ZNF407: variants seen among roughly 807,000 people sequenced by gnomAD.
ZNF407 encodes the protein zinc finger protein 407.
Under a neutral mutation model 131.2 loss-of-function variants are expected in ZNF407, and 17 were observed. The ratio of observed to expected loss-of-function variants is 0.13; its 90% confidence interval spans 0.09 to 0.19. ZNF407 has a LOEUF of 0.19. Among genes scored for constraint, ZNF407 ranks in the 10% least tolerant of loss-of-function variants. The pLI, the probability that ZNF407 is intolerant of heterozygous loss-of-function variation, is 1.00. For synonymous variants in ZNF407, 1,156 were observed against 1,062.0 expected (o/e 1.09, Z -1.72); for missense variants, 2,681 against 2,830.6 (o/e 0.95, Z 1.20).
At chr18:74,623,602 T>C (rs1983659577) in intron 1 of ZNF407, among the ~76,000 whole-genome samples, 1 of 152,270 alleles carries the variant, frequency 6.6e-6, no homozygotes, top group Non-Finnish European at 1.5e-5. Context: ...CCTTCTTTGA[T>C]ATGCAGAAAG....
chr18:74,840,786 A>G (rs1970621346), intron 4 of ZNF407, among the ~76,000 whole-genome samples: 1 of 152,144 alleles, frequency 6.6e-6, no homozygotes, highest in Non-Finnish European at 1.5e-5. Flanking sequence ...CATCCTATCT[A>G]TCATGTTCAA....
Position 74,635,614 on chromosome 18 carries a change from A to G in ZNF407, c.4595A>G (p.Glu1532Gly). 1.2e-6 allele frequency: 2 copies of G among 1,613,670 alleles called. No individual in the cohort carries two copies. Among genetic ancestry groups the G allele is most frequent in the Non-Finnish European group, 1.7e-6 (2 of 1,179,792 alleles). Residue 1532 changes from glutamate to glycine, a missense_variant, in exon 2 of 9, where the codon GAG becomes GGG. Physicochemically the swap from Glu to Gly is moderately conservative, Grantham distance 98 (BLOSUM62 -2). Coordinates refer to ENST00000299687, the MANE Select transcript of ZNF407 (RefSeq NM_017757.3). The surrounding 1 kb of genome is among the most constrained non-coding windows in gnomAD (Gnocchi z 4.7). The part of the protein sequence containing the change: ...EDTEQINRER[E>G]ENQGNVCKYC... ...ACTGAGCAAATCAACCGCGAGAGGG[A>G]GGAAAACCAGGGAAACGTCTGCAAG...
chr18:74,971,773 C>T (rs1286490523), intron 8 of ZNF407, among the ~76,000 whole-genome samples: 1 of 152,208 alleles, frequency 6.6e-6, no homozygotes, highest in Non-Finnish European at 1.5e-5. Flanking sequence ...GTTGCTTCCA[C>T]ATTTTCAGTA....
At chr18:74,995,539 G>A (rs1054459955) in intron 8 of ZNF407, among the ~76,000 whole-genome samples, 2 of 152,190 alleles carry the variant, frequency 1.3e-5, no homozygotes, top group East Asian at 1.9e-4. Flanking sequence ...TTTGCTGACC[G>A]TGCTGTTTGT....
rs776370113 is a variant in ZNF407 at position 74,634,500 on chromosome 18, G to T, written c.3481G>T (p.Asp1161Tyr). 4 of 1,613,786 alleles carry T rather than the reference G, an allele frequency of 2.5e-6. No individual in the cohort carries two copies. The highest frequency in any genetic ancestry group is 1.7e-6 in the Non-Finnish European group (2 of 1,179,884). Reference protein sequence around the residue: ...ETEEESNFNEDHSFCETFQQA... With the variant: ...ETEEESNFNEYHSFCETFQQA... ...TGAAGAAGAATCTAATTTCAATGAAGACCATTCCTTTTGTGAGACTTTCCA... is the reference window on the plus strand; with the variant it reads ...TGAAGAAGAATCTAATTTCAATGAATACCATTCCTTTTGTGAGACTTTCCA... The change falls in exon 2 of 9, where the codon GAC becomes TAC. Residue 1161 changes from aspartate to tyrosine, a missense_variant. Transcript: ENST00000299687.
At chr18:75,060,767 A>C (rs557779429) in intron 8 of ZNF407, among the ~76,000 whole-genome samples, 3 of 151,178 alleles carry the variant, frequency 2.0e-5, no homozygotes, top group Non-Finnish European at 4.4e-5. Flanking sequence ...GGCCTCCCAA[A>C]GTGCTGGGAT....
At chr18:74,783,899 T>C (rs528092158) in intron 4 of ZNF407, among the ~76,000 whole-genome samples, 9 of 152,328 alleles carry the variant, frequency 5.9e-5, no homozygotes, top group African/African-American at 1.9e-4. Context: ...TATATGGCAC[T>C]CTCTCCTGTT....
rs1454491003 is a variant in ZNF407 at position 74,804,188 on chromosome 18, T to TAC, written c.4877+22686_4877+22687insAC. 19 of 1,376,774 alleles carry TAC rather than the reference T, an allele frequency of 1.4e-5. No homozygotes were observed. The African/African-American group carries it at 2.6e-4, about 19-fold the overall frequency. The allele number at this position is 1,376,774 out of a possible 1,614,324, so 85.3% of individuals were successfully genotyped here. On this transcript the variant is annotated intron_variant, in intron 4 of 8. Transcript: ENST00000299687. ...GTACTTCTTTGCATACTTGAATTCA[T>TAC]TTGTGTGATGTAAATCATCACACAA...
chr18:74,666,339 G>A (rs1438505946), intron 3 of ZNF407, among the ~76,000 whole-genome samples: 1 of 152,192 alleles, frequency 6.6e-6, no homozygotes, highest in Non-Finnish European at 1.5e-5. Context: ...CGGGGACAGA[G>A]AAGTGGGTGG....
At chr18:74,973,609 C>T (rs1196578124) in intron 8 of ZNF407, among the ~76,000 whole-genome samples, 1 of 152,118 alleles carries the variant, frequency 6.6e-6, no homozygotes, top group Non-Finnish European at 1.5e-5. Context: ...ATAACTGAAA[C>T]AAACATGCGA....
At chr18:74,755,012 G>C (rs1212380017) in intron 3 of ZNF407, among the ~76,000 whole-genome samples, 1 of 152,146 alleles carries the variant, frequency 6.6e-6, no homozygotes, top group Non-Finnish European at 1.5e-5. Flanking sequence ...CTAAGGACTT[G>C]CTTTAGGAAT....
At chr18:74,619,722 A>G (rs1983441005) in intron 1 of ZNF407, among the ~76,000 whole-genome samples, 2 of 152,226 alleles carry the variant, frequency 1.3e-5, no homozygotes, top group South Asian at 2.1e-4. Flanking sequence ...GACTGATTTT[A>G]TAGATGAAAT....
chr18:74,620,181 G>A (rs1815772860), intron 1 of ZNF407, among the ~76,000 whole-genome samples: 1 of 152,226 alleles, frequency 6.6e-6, no homozygotes, highest in Non-Finnish European at 1.5e-5. Context: ...ATATAAGGTT[G>A]TCATACAGTT....
intron 8 of ZNF407, among the ~76,000 whole-genome samples, chr18:74,959,648 T>C (rs1019527736): frequency 2.0e-5 from 3 of 152,232 alleles, no homozygotes; most frequent in Non-Finnish European, 4.4e-5. Flanking sequence ...GCCTTTGTTA[T>C]CCTTCCAGGC....
At chr18:74,920,395 A>T in intron 7 of ZNF407, 119 bp from the exon 8 acceptor site, 2 of 724,862 alleles carry the variant, frequency 2.8e-6, no homozygotes, top group Non-Finnish European at 4.0e-6. Flanking sequence ...TTATTATATG[A>T]GTACAGCACT....
At chr18:74,981,572 GTACT>G (rs1205760587) in intron 8 of ZNF407, among the ~76,000 whole-genome samples, 2 of 152,172 alleles carry the variant, frequency 1.3e-5, no homozygotes, top group Non-Finnish European at 2.9e-5. Flanking sequence ...ATGTTCTCAA[GTACT>G]TACTTCAACA....
chr18:74,617,054 T>G (rs1983334093), intron 1 of ZNF407, among the ~76,000 whole-genome samples: 2 of 66,448 alleles, frequency 3.0e-5, no homozygotes, highest in Admixed American at 2.3e-4. Context: ...CACATCCATA[T>G]CCACACACAT....
chr18:74,761,266 G>A (rs921747025), intron 3 of ZNF407, among the ~76,000 whole-genome samples: 3 of 152,104 alleles, frequency 2.0e-5, no homozygotes, highest in Non-Finnish European at 2.9e-5. Flanking sequence ...TGTTGCAGAA[G>A]TTATTGTCAG....
chr18:74,734,731 C>A (rs1968374648), intron 3 of ZNF407, among the ~76,000 whole-genome samples: 1 of 149,756 alleles, frequency 6.7e-6, no homozygotes, highest in African/African-American at 2.5e-5. Context: ...ATCAAAGATT[C>A]AAGGAAAACG....
Sources: gnomAD v4.1 joint callset for allele counts (sites outside exome capture counted in the v4.1 genomes callset) on GRCh38, gnomAD v4.1.1 for gene constraint, Gnocchi (gnomAD v3.1) non-coding constraint, MANE v1.5 for transcripts, NCBI Gene and HGNC (gene_info 2026-07-23, HGNC 2026-07-21) for gene names.